CRACR2A: variants seen among roughly 807,000 people sequenced by gnomAD.
The protein encoded by CRACR2A is calcium release activated channel regulator 2A.
Under a neutral mutation model 90.5 loss-of-function variants are expected in CRACR2A, and 79 were observed. That is an observed-to-expected ratio of 0.87 (90% CI 0.73 to 1.05). The LOEUF is 1.05. CRACR2A is among the 50% of genes least tolerant of loss of function. The probability of loss-of-function intolerance (pLI) is 0.00; values close to 1 mark genes in which losing one functional copy is unlikely to be tolerated. For missense variants in CRACR2A, 823 were observed against 897.2 expected (o/e 0.92, Z 1.06); for synonymous variants, 338 against 356.7 (o/e 0.95, Z 0.59).
intron 2 of CRACR2A, among the ~76,000 whole-genome samples, chr12:3,718,443 G>A (rs913123032): frequency 2.6e-5 from 4 of 152,184 alleles, no homozygotes; most frequent in Non-Finnish European, 5.9e-5. Context: ...GGGGATGGCA[G>A]AGTCTTGATC....
chr12:3,683,248 T>C (rs371398125), intron 4 of CRACR2A, among the ~76,000 whole-genome samples: 6 of 152,234 alleles, frequency 3.9e-5, no homozygotes, highest in African/African-American at 1.4e-4. Flanking sequence ...AACTGTCTAA[T>C]AGTTCTCCAG....
intron 4 of CRACR2A, among the ~76,000 whole-genome samples, chr12:3,683,025 C>T (rs888994395): frequency 4.6e-5 from 7 of 152,142 alleles, no homozygotes; most frequent in African/African-American, 1.7e-4. Context: ...TTGTGATCCA[C>T]CTGCCTTGGC....
intron 4 of CRACR2A, among the ~76,000 whole-genome samples, chr12:3,681,306 G>T (rs1268551100): frequency 6.6e-6 from 1 of 152,166 alleles, no homozygotes; most frequent in Non-Finnish European, 1.5e-5. Context: ...AGGTATCAAG[G>T]CCCCAAGAGT....
intron 11 of CRACR2A, chr12:3,648,250 C>G (rs1944725957): frequency 2.3e-6 from 3 of 1,298,626 alleles, no homozygotes; most frequent in Admixed American, 3.3e-5. Context: ...CCCAGCTCTG[C>G]TCGCATGAGA....
chr12:3,673,643 G>A, intron 6 of CRACR2A, 51 bp from the exon 7 acceptor site: 1 of 1,592,408 alleles, frequency 6.3e-7, no homozygotes. Context: ...GGCTTCACGG[G>A]AAATACAGAG....
In CRACR2A at chr12:3,633,801, C is replaced by T. The variant is rs1339721095; in HGVS notation, c.1603-65G>A. 4 of 1,545,470 alleles carry T rather than the reference C, an allele frequency of 2.6e-6. No homozygotes were observed. Among genetic ancestry groups the T allele is most frequent in the African/African-American group, 1.4e-5 (1 of 73,030 alleles). ...TCTTGCCAGCCCCTGCCCCTGCCAC[C>T]AGAGGCCCTTTACCCATCCCTACAG... On this transcript the variant is annotated intron_variant, in intron 14 of 19. Coordinates refer to ENST00000440314, the MANE Select transcript of CRACR2A (RefSeq NM_001144958.2). This position sits in a 1 kb window ranked among gnomAD's most constrained non-coding sequence, Gnocchi z 4.5.
At chr12:3,736,152 T>C (rs1264387896) in intron 1 of CRACR2A, among the ~76,000 whole-genome samples, 4 of 151,506 alleles carry the variant, frequency 2.6e-5, no homozygotes, top group African/African-American at 9.7e-5. Context: ...GGGAAGAAGA[T>C]GGAAGGAGGG....
chr12:3,652,482 T>A (rs996305085), intron 10 of CRACR2A, among the ~76,000 whole-genome samples: 2 of 152,150 alleles, frequency 1.3e-5, no homozygotes, highest in Non-Finnish European at 2.9e-5. Flanking sequence ...TAACTAGGGC[T>A]ATCTTACTAG....
intron 4 of CRACR2A, among the ~76,000 whole-genome samples, chr12:3,691,397 A>G (rs1030975574): frequency 6.6e-6 from 1 of 152,126 alleles, no homozygotes; most frequent in African/African-American, 2.4e-5. Flanking sequence ...TCCTTCACTT[A>G]CAAAGCTTAG....
chr12:3,688,660 T>C (rs1209296137), intron 4 of CRACR2A, among the ~76,000 whole-genome samples: 1 of 152,242 alleles, frequency 6.6e-6, no homozygotes, highest in Non-Finnish European at 1.5e-5. Context: ...TAGGATTGTC[T>C]TGGCTATTTG....
chr12:3,629,943 G>A (rs139878213), intron 15 of CRACR2A, among the ~76,000 whole-genome samples: 102 of 152,232 alleles, frequency 6.7e-4, no homozygotes, highest in African/African-American at 2.3e-3. Flanking sequence ...GGGGACCAGA[G>A]GGCCTGGATG....
At chr12:3,713,724 C>G (rs376953708) in intron 2 of CRACR2A, among the ~76,000 whole-genome samples, 1 of 152,080 alleles carries the variant, frequency 6.6e-6, no homozygotes, top group African/African-American at 2.4e-5. Context: ...TTGAAGATAG[C>G]GATGTAAGCA....
intron 2 of CRACR2A, among the ~76,000 whole-genome samples, chr12:3,722,926 ATT>A (rs1946205859): frequency 6.6e-6 from 1 of 152,150 alleles, no homozygotes; most frequent in Non-Finnish European, 1.5e-5. Context: ...CTCTTCATCT[ATT>A]TCCTTACCCT....
At chr12:3,710,438 T>C (rs1253315923) in intron 3 of CRACR2A, among the ~76,000 whole-genome samples, 2 of 152,196 alleles carry the variant, frequency 1.3e-5, no homozygotes, top group Admixed American at 1.3e-4. Context: ...GGTTGGGTTC[T>C]GGTGAGGGCC....
At position 3,697,028 on chromosome 12, in the gene CRACR2A, T is replaced by C; in HGVS notation, c.-29A>G. ...GATTAGTCAGTTTCTTGAAGTCTTT[T>C]TCAGAACCTGAACATAGAAAATGGG... On this transcript the variant is annotated 5_prime_UTR_variant, in exon 4 of 20. Transcript: ENST00000440314. 1.3e-6 allele frequency: 2 copies of C among 1,576,800 alleles called. No individual in the cohort carries two copies. Among genetic ancestry groups the C allele is most frequent in the Non-Finnish European group, 1.7e-6 (2 of 1,159,432 alleles).
intron 2 of CRACR2A, among the ~76,000 whole-genome samples, chr12:3,720,968 C>A (rs1435364367): frequency 6.6e-6 from 1 of 152,208 alleles, no homozygotes; most frequent in Non-Finnish European, 1.5e-5. Flanking sequence ...CACTTTATTA[C>A]CCGCCTGTGG....
intron 1 of CRACR2A, among the ~76,000 whole-genome samples, chr12:3,742,705 T>C (rs1487889897): frequency 1.3e-5 from 2 of 152,240 alleles, no homozygotes; most frequent in Admixed American, 6.5e-5. Context: ...GTCTATAAGA[T>C]GGACAGAAGG....
chr12:3,723,871 C>G (rs1416023621), intron 2 of CRACR2A, among the ~76,000 whole-genome samples: 1 of 152,174 alleles, frequency 6.6e-6, no homozygotes, highest in Admixed American at 6.5e-5. Flanking sequence ...ATTACAGTGT[C>G]AGTCATATGA....
Position 3,658,464 on chromosome 12 carries a change from G to A in CRACR2A, c.762+1100C>T, listed in dbSNP as rs373368291. Reference sequence around the variant, plus strand: ...GAGAAGTGTGTGAGTTCTGTCTGCCGTCAACTAGGTTGAGGGGCAGGAGCA... The same window carrying A: ...GAGAAGTGTGTGAGTTCTGTCTGCCATCAACTAGGTTGAGGGGCAGGAGCA... On this transcript the variant is annotated intron_variant, in intron 8 of 19. Coordinates refer to ENST00000440314, the MANE Select transcript of CRACR2A (RefSeq NM_001144958.2). Among the ~76,000 whole-genome samples, 21 of 152,226 alleles carry A rather than the reference G, an allele frequency of 1.4e-4. 1 individual carries two copies. Among genetic ancestry groups the A allele is most frequent in the African/African-American group, 3.6e-4 (15 of 41,536 alleles).
Sources: allele counts gnomAD v4.1 joint callset (sites outside exome capture counted in the v4.1 genomes callset), GRCh38; gene constraint gnomAD v4.1.1; non-coding constraint Gnocchi (gnomAD v3.1); transcripts MANE v1.5; gene names NCBI Gene and HGNC (gene_info 2026-07-23, HGNC 2026-07-21).